PTGFRN: variants seen among roughly 807,000 people sequenced by gnomAD.
The protein encoded by PTGFRN is prostaglandin F2 receptor inhibitor, also known as prostaglandin F2 receptor negative regulator.
Under a neutral mutation model 83.2 loss-of-function variants are expected in PTGFRN, and 35 were observed. That is an observed-to-expected ratio of 0.42 (90% CI 0.32 to 0.56). The LOEUF (loss-of-function observed/expected upper bound fraction) is 0.56. Ranked by LOEUF, PTGFRN falls within the 20% of genes least tolerant of loss-of-function variation. The pLI, the probability that PTGFRN is intolerant of heterozygous loss-of-function variation, is 0.11. For synonymous variants in PTGFRN, 519 were observed against 498.6 expected (o/e 1.04, Z -0.55); for missense variants, 1,051 against 1,179.5 (o/e 0.89, Z 1.60).
At chr1:116,983,718 T>C (rs1651383880) in intron 7 of PTGFRN, among the ~76,000 whole-genome samples, 1 of 152,226 alleles carries the variant, frequency 6.6e-6, no homozygotes, top group Non-Finnish European at 1.5e-5. Flanking sequence ...TAGTGTATTT[T>C]TACTAAATGA....
At chr1:116,951,188 C>T (rs980315008) in intron 4 of PTGFRN, among the ~76,000 whole-genome samples, 102 of 152,296 alleles carry the variant, frequency 6.7e-4, no homozygotes, top group African/African-American at 2.2e-3. Flanking sequence ...GCATTGATCC[C>T]GGCATACCCG....
At chr1:116,919,321 T>C (rs1649482920) in intron 1 of PTGFRN, among the ~76,000 whole-genome samples, 1 of 152,126 alleles carries the variant, frequency 6.6e-6, no homozygotes, top group African/African-American at 2.4e-5. Flanking sequence ...GAAACCAATA[T>C]GAGGGTTCTT....
chr1:116,957,123 CTCTT>C (rs879802113), intron 4 of PTGFRN, among the ~76,000 whole-genome samples: 249 of 150,706 alleles, frequency 1.7e-3, no homozygotes, highest in Non-Finnish European at 2.3e-3. Context: ...CTCTCTCTCT[CTCTT>C]TCTCTCTCTC....
intron 7 of PTGFRN, among the ~76,000 whole-genome samples, chr1:116,975,880 T>G (rs1651142838): frequency 6.6e-6 from 1 of 152,160 alleles, no homozygotes; most frequent in South Asian, 2.1e-4. Flanking sequence ...CGAGAATGAT[T>G]TTGACAAGTT....
chr1:116,956,783 G>C (rs1473220234), intron 4 of PTGFRN, among the ~76,000 whole-genome samples: 1 of 152,206 alleles, frequency 6.6e-6, no homozygotes, highest in Non-Finnish European at 1.5e-5. Flanking sequence ...GCAATGGGAG[G>C]TTGTTATTAT....
intron 5 of PTGFRN, among the ~76,000 whole-genome samples, chr1:116,964,428 CTTTA>C (rs1650767805): frequency 6.6e-6 from 1 of 152,192 alleles, no homozygotes; most frequent in Admixed American, 6.5e-5. Flanking sequence ...TTTCTTCCAA[CTTTA>C]TTAGCCATTT....
At chr1:116,957,142 G>A (rs1650523962) in intron 4 of PTGFRN, among the ~76,000 whole-genome samples, 2 of 146,586 alleles carry the variant, frequency 1.4e-5, no homozygotes, top group African/African-American at 5.1e-5. Context: ...TCTCTCTCTC[G>A]CTGGCTCGCT....
At position 116,961,195 on chromosome 1, in the gene PTGFRN, T is replaced by C. The variant is rs867259270; in HGVS notation, c.1214-48T>C. 2 of 1,478,274 alleles carry C rather than the reference T, an allele frequency of 1.4e-6. No individual in the cohort carries two copies. Among genetic ancestry groups the C allele is most frequent in the East Asian group, 4.6e-5 (2 of 43,414 alleles). The allele number at this position is 1,478,274 out of a possible 1,614,324, so 91.6% of individuals were successfully genotyped here. A position where few individuals can be genotyped will look rare whatever the true frequency, so the allele number is the denominator to read the frequency against. ...TCATTCCTTTTGTTAATTCTTGCCA[T>C]GTTACTCTAATTATTTTCCTATCCT... is the stretch of plus-strand genomic sequence containing the variant. On this transcript the variant is annotated intron_variant, in intron 4 of 8. Coordinates refer to ENST00000393203, the MANE Select transcript of PTGFRN (RefSeq NM_020440.4). The surrounding 1 kb of genome is among the most constrained non-coding windows in gnomAD (Gnocchi z 5.4).
At chr1:116,986,727 G>A in intron 8 of PTGFRN, 74 bp from the exon 9 acceptor site, 2 of 1,458,632 alleles carry the variant, frequency 1.4e-6, no homozygotes, top group Non-Finnish European at 1.9e-6. Flanking sequence ...CAGTGGGGAA[G>A]GGAGGCGAGG....
chr1:116,941,941 C>A lies in PTGFRN; in HGVS notation c.276C>A (p.Ile92=). 2 of 1,614,182 alleles carry A rather than the reference C, an allele frequency of 1.2e-6. No individual in the cohort carries two copies. Among genetic ancestry groups the A allele is most frequent in the Non-Finnish European group, 1.7e-6 (2 of 1,180,044 alleles). Residue 92 remains isoleucine, a synonymous_variant, in exon 2 of 9, where the codon ATC becomes ATA. Coordinates refer to ENST00000393203, the MANE Select transcript of PTGFRN (RefSeq NM_020440.4). The surrounding 1 kb of genome is among the most constrained non-coding windows in gnomAD (Gnocchi z 5.0). ...AGGAGCGGCTGCAGAGGGGCGAGAT[C>A]CTGTTAAGGCGGACTGCCAACGACG... ...LYQERLQRGE[I]LLRRTANDAV... is the part of the protein sequence containing the mutation.
intron 1 of PTGFRN, among the ~76,000 whole-genome samples, chr1:116,917,390 G>C (rs1247689202): frequency 1.3e-5 from 2 of 152,180 alleles, no homozygotes; most frequent in Non-Finnish European, 2.9e-5. Context: ...AGAGCAGTGA[G>C]CAGGCATGAC....
In PTGFRN at chr1:116,979,386, G is replaced by A. The variant is rs1651246030; in HGVS notation, c.2167+5063G>A. Among the ~76,000 whole-genome samples, 3 of 152,078 alleles carry A rather than the reference G, an allele frequency of 2.0e-5. No individual in the cohort carries two copies. The South Asian group carries it at 6.2e-4, about 32-fold the overall frequency. On this transcript the variant is annotated intron_variant, in intron 7 of 8. Coordinates refer to ENST00000393203, the MANE Select transcript of PTGFRN (RefSeq NM_020440.4). ...AAAAAACTACTTTAAAGTTCATATG[G>A]CACCAAAAAAGAGCCCGCATTGCCA...
chr1:116,975,504 C>T (rs979309044), intron 7 of PTGFRN, among the ~76,000 whole-genome samples: 18 of 152,166 alleles, frequency 1.2e-4, no homozygotes, highest in Non-Finnish European at 1.3e-4. Flanking sequence ...CTCACATGGC[C>T]GGGTACCCCT....
At chr1:116,974,484 A>C in intron 7 of PTGFRN, 161 bp downstream of exon 7, 1 of 514,122 alleles carries the variant, frequency 1.9e-6, no homozygotes, top group Non-Finnish European at 3.4e-6. Context: ...TTTAATAAAT[A>C]CATGTTGAGT....
chr1:116,979,449 C>G (rs1220064060), intron 7 of PTGFRN, among the ~76,000 whole-genome samples: 1 of 152,226 alleles, frequency 6.6e-6, no homozygotes, highest in African/African-American at 2.4e-5. Context: ...CTGGAGGTAT[C>G]ACGCTGCCTG....
intron 4 of PTGFRN, among the ~76,000 whole-genome samples, chr1:116,960,300 A>T (rs1650614892): frequency 6.6e-6 from 1 of 152,130 alleles, no homozygotes; most frequent in Non-Finnish European, 1.5e-5. Flanking sequence ...GGTGTAGAGG[A>T]GCTGGGGGAA....
chr1:116,933,373 A>G (rs983007309), intron 1 of PTGFRN, among the ~76,000 whole-genome samples: 5 of 152,084 alleles, frequency 3.3e-5, no homozygotes, highest in Non-Finnish European at 7.4e-5. Flanking sequence ...AGACCTTACA[A>G]CATTTAAGCT....
At chr1:116,963,992 C>T (rs1650752979) in intron 5 of PTGFRN, among the ~76,000 whole-genome samples, 1 of 151,902 alleles carries the variant, frequency 6.6e-6, no homozygotes, top group South Asian at 2.1e-4. Context: ...GTTGTCCAGG[C>T]TGGTCTTGAA....
At chr1:116,911,278 A>G (rs1434491900) in intron 1 of PTGFRN, among the ~76,000 whole-genome samples, 2 of 152,194 alleles carry the variant, frequency 1.3e-5, no homozygotes. Flanking sequence ...CCCCTAGAGA[A>G]GGCGGCTCTG....
Sources: gnomAD v4.1 joint callset for allele counts (sites outside exome capture counted in the v4.1 genomes callset) on GRCh38, gnomAD v4.1.1 for gene constraint, Gnocchi (gnomAD v3.1) non-coding constraint, MANE v1.5 for transcripts, NCBI Gene and HGNC (gene_info 2026-07-23, HGNC 2026-07-21) for gene names.